Variants in LTA observed in about 807,000 individuals in gnomAD.
The protein encoded by LTA is lymphotoxin-alpha.
Under a neutral mutation model 15.1 loss-of-function variants are expected in LTA, and 6 were observed. The ratio of observed to expected loss-of-function variants is 0.40; its 90% CI spans 0.22 to 0.78. LTA has a LOEUF of 0.78. Among genes scored for constraint, LTA ranks in the 30% least tolerant of loss-of-function variants. The pLI is 0.38. For missense variants in LTA, 173 were observed against 249.5 expected (o/e 0.69, Z 2.06); for synonymous variants, 87 against 107.3 (o/e 0.81, Z 1.17).
the LTA span, among the ~76,000 whole-genome samples, chr6:31,562,115 G>T: frequency 2.4e-3 from 362 of 151,872 alleles, 3 homozygotes; most frequent in African/African-American, 7.4e-3. Context: ...GCAGGGCACG[G>T]GGGGCGGGGG....
At chr6:31,561,995 C>G in the LTA span, among the ~76,000 whole-genome samples, 1 of 151,602 alleles carries the variant, frequency 6.6e-6, no homozygotes, top group Non-Finnish European at 1.5e-5. Flanking sequence ...AGAGGTTGAG[C>G]CTTTGAGTGG....
the LTA span, among the ~76,000 whole-genome samples, chr6:31,561,590 C>CT: frequency 1.3e-5 from 2 of 151,946 alleles, no homozygotes; most frequent in Admixed American, 1.3e-4. Flanking sequence ...ACTCAGGTGT[C>CT]TGAGGCACAA....
chr6:31,572,750 C>T lies in LTA; in HGVS notation c.8C>T (p.Pro3Leu). Residue 3 changes from proline (P) to leucine (L), a missense_variant, in exon 2 of 4, where the codon CCA becomes CTA. Physicochemically the swap from Pro to Leu is moderately conservative, Grantham distance 98 (BLOSUM62 -3). Transcript: ENST00000418386. ...TCTCTGCAGGTTCTCCCCATGACACCACCTGAACGTCTCTTCCTCCCAAGG... is the reference window on the plus strand; with the variant it reads ...TCTCTGCAGGTTCTCCCCATGACACTACCTGAACGTCTCTTCCTCCCAAGG... MTPPERLFLPRVC... is the reference protein window; with the variant it reads MTLPERLFLPRVC... 2 of 1,608,196 alleles carry T rather than the reference C, an allele frequency of 1.2e-6. No individual in the cohort carries two copies. Among genetic ancestry groups the T allele is most frequent in the South Asian group, 1.1e-5 (1 of 91,028 alleles).
upstream of LTA, among the ~76,000 whole-genome samples, chr6:31,571,813 G>A (rs1770839692): frequency 6.6e-6 from 1 of 152,218 alleles, no homozygotes; most frequent in Admixed American, 6.5e-5. Flanking sequence ...TGCCAGATGG[G>A]CTGGAAAGTC....
chr6:31,573,572 C>G lies in LTA; in HGVS notation c.497C>G (p.Ser166Trp). 6.2e-7 allele frequency: 1 copy of G among 1,614,138 alleles called. No individual in the cohort carries two copies. The highest frequency in any genetic ancestry group is 1.3e-5 in the African/African-American group (1 of 75,026). ...YPGLQEPWLH[S>W]MYHGAAFQLT... ...GGGCTGCAGGAACCCTGGCTGCACT[C>G]GATGTACCACGGGGCTGCGTTCCAG... Residue 166 changes from serine to tryptophan, a missense_variant, in exon 4 of 4, where the codon TCG becomes TGG. Coordinates refer to ENST00000418386, the MANE Select transcript of LTA (RefSeq NM_000595.4).
the LTA span, among the ~76,000 whole-genome samples, chr6:31,562,443 T>C: frequency 6.7e-6 from 1 of 148,436 alleles, no homozygotes; most frequent in Non-Finnish European, 1.5e-5. Context: ...GGCTAGTCTT[T>C]TGAGACATCA....
chr6:31,563,021 G>T, the LTA span, among the ~76,000 whole-genome samples: 1 of 151,922 alleles, frequency 6.6e-6, no homozygotes, highest in East Asian at 1.9e-4. Flanking sequence ...TTAGCTGGGC[G>T]TGGTGGCACA....
chr6:31,572,811 G>A lies in LTA; in HGVS notation c.69G>A (p.Gly23=), dbSNP rs576581794. Residue 23 remains glycine (G), a synonymous_variant, in exon 2 of 4, where the codon GGG becomes GGA. Transcript: ENST00000418386. ...CGTTLHLLLL[G]LLLVLLPGAQ... ...CCACCCTACACCTCCTCCTTCTGGGGCTGCTGCTGGTTCTGCTGCCTGGGG... is the reference window on the plus strand; with the variant it reads ...CCACCCTACACCTCCTCCTTCTGGGACTGCTGCTGGTTCTGCTGCCTGGGG... The A allele has an allele frequency of 2.1e-5, 34 of 1,611,206 alleles. 1 individual carries two copies. In the South Asian group the frequency reaches 3.6e-4, roughly 17 times the overall value.
the LTA span, among the ~76,000 whole-genome samples, chr6:31,566,329 G>T: frequency 9.2e-3 from 1,393 of 152,112 alleles, 11 homozygotes; most frequent in Admixed American, 0.014. Context: ...GGGCAGAAAA[G>T]TGAGACTCCA....
rs1771006623 is a variant in LTA at position 31,573,873 on chromosome 6, C to T, written c.*180C>T. The T allele has an allele frequency of 1.3e-6, 1 of 753,374 alleles. No homozygotes were observed. Among genetic ancestry groups the T allele is most frequent in the Non-Finnish European group, 2.3e-6 (1 of 431,672 alleles). 46.7% of individuals were successfully genotyped at this position (753,374 alleles called of 1,614,324 possible). ...AAGGAATTCTAGGCATCCCAGGGGA[C>T]CACACCTCCCTGAACCATCCCTGAT... On this transcript the variant is annotated 3_prime_UTR_variant, in exon 4 of 4. Coordinates refer to ENST00000418386, the MANE Select transcript of LTA (RefSeq NM_000595.4).
In LTA at chr6:31,573,883, C is replaced by T. The variant is rs1771007043; in HGVS notation, c.*190C>T. The T allele has an allele frequency of 6.8e-6, 5 of 731,400 alleles. No individual in the cohort carries two copies. In the South Asian group the frequency reaches 7.4e-5, roughly 11 times the overall value. The allele number at this position is 731,400 out of a possible 1,614,324, so 45.3% of individuals were successfully genotyped here. On this transcript the variant is annotated 3_prime_UTR_variant, in exon 4 of 4. Transcript: ENST00000418386. Reference sequence around the variant, plus strand: ...AGGCATCCCAGGGGACCACACCTCCCTGAACCATCCCTGATGTCTGTCTGG... The same window carrying T: ...AGGCATCCCAGGGGACCACACCTCCTTGAACCATCCCTGATGTCTGTCTGG...
upstream of LTA, chr6:31,571,990 C>T (rs2844482): frequency 0.15 from 22,847 of 154,464 alleles, 1,778 homozygotes; most frequent in South Asian, 0.25. Flanking sequence ...GCTGCTCAAC[C>T]ACCTCCTCTC....
rs1562476981 is a variant in LTA, at chr6:31,573,727, A to T, written c.*34A>T. ...AAAATCCAGAAAGAAAAAATAATTG[A>T]TTTCAAGACCTTCTCCCCATTCTGC... On this transcript the variant is annotated 3_prime_UTR_variant, in exon 4 of 4. Coordinates refer to ENST00000418386, the MANE Select transcript of LTA (RefSeq NM_000595.4). The T allele has an allele frequency of 7.4e-6, 12 of 1,610,954 alleles. No individual in the cohort carries two copies. In the South Asian group the frequency reaches 9.9e-5, roughly 13 times the overall value.
upstream of LTA, among the ~76,000 whole-genome samples, chr6:31,570,587 A>ATG (rs1475394214): frequency 6.6e-6 from 1 of 152,234 alleles, no homozygotes. Flanking sequence ...CTAAGTGAAA[A>ATG]TGGGCTCATG....
At chr6:31,567,697 A>G (rs1395719786), upstream of LTA, among the ~76,000 whole-genome samples, 1 of 146,894 alleles carries the variant, frequency 6.8e-6, no homozygotes, top group Non-Finnish European at 1.5e-5. Context: ...CACGCACCAC[A>G]CACTCTGACG....
At chr6:31,573,239 G>T (rs772998637) in intron 3 of LTA, 42 bp from the exon 4 acceptor site, 1 of 1,570,536 alleles carries the variant, frequency 6.4e-7, no homozygotes, top group Non-Finnish European at 8.7e-7. Flanking sequence ...CTCTGATCCA[G>T]ACCCCTGATC....
upstream of LTA, among the ~76,000 whole-genome samples, chr6:31,570,194 G>A (rs1770760748): frequency 6.6e-6 from 1 of 152,146 alleles, no homozygotes; most frequent in African/African-American, 2.4e-5. Context: ...GGGTCAGGAA[G>A]GGATCACCCC....
chr6:31,571,123 C>T (rs1770812581), upstream of LTA, among the ~76,000 whole-genome samples: 1 of 149,620 alleles, frequency 6.7e-6, no homozygotes, highest in Non-Finnish European at 1.5e-5. Flanking sequence ...TACAGTGGTG[C>T]GATCTTGACT....
upstream of LTA, among the ~76,000 whole-genome samples, chr6:31,568,055 C>G (rs1770671470): frequency 6.6e-6 from 1 of 152,174 alleles, no homozygotes; most frequent in African/African-American, 2.4e-5. The surrounding 1 kb of genome is among the most constrained non-coding windows in gnomAD (Gnocchi z 4.1). Flanking sequence ...GCCACTCTTA[C>G]AACATCAGCC....
Sources: allele counts gnomAD v4.1 joint callset (sites outside exome capture counted in the v4.1 genomes callset), GRCh38; gene constraint gnomAD v4.1.1; non-coding constraint Gnocchi (gnomAD v3.1); transcripts MANE v1.5; gene names NCBI Gene and HGNC (gene_info 2026-07-23, HGNC 2026-07-21).